ELP2: variants seen among roughly 807,000 people sequenced by gnomAD.
ELP2 encodes the protein elongator acetyltransferase complex subunit 2, also known as elongator complex protein 2.
Under a neutral mutation model 119.2 loss-of-function variants are expected in ELP2, and 90 were observed. The ratio of observed to expected loss-of-function variants is 0.75; its 90% CI spans 0.64 to 0.90. The LOEUF is 0.90. ELP2 is among the 40% of genes least tolerant of loss of function. The pLI is 0.00. For synonymous variants in ELP2, 339 were observed against 331.0 expected (o/e 1.02, Z -0.26); for missense variants, 921 against 967.8 (o/e 0.95, Z 0.64).
chr18:36,172,935 G>A (rs1223583360), intron 21 of ELP2, among the ~76,000 whole-genome samples: 1 of 152,154 alleles, frequency 6.6e-6, no homozygotes, highest in Non-Finnish European at 1.5e-5. Flanking sequence ...CAAGTTCCAA[G>A]TACCTTTCAA....
chr18:36,145,172 A>G, intron 9 of ELP2, 138 bp downstream of exon 9: 1 of 718,070 alleles, frequency 1.4e-6, no homozygotes, highest in Non-Finnish European at 2.5e-6. Context: ...ACAAAGTATA[A>G]TACTGCATTC....
chr18:36,155,580 T>G (rs2090547952), intron 12 of ELP2, among the ~76,000 whole-genome samples: 2 of 152,098 alleles, frequency 1.3e-5, no homozygotes, highest in African/African-American at 4.8e-5. Context: ...TATTTTTTGT[T>G]TTTTGTAGAG....
In ELP2 at chr18:36,142,920, C is replaced by T. The variant is rs754977654; in HGVS notation, c.750C>T (p.Asp250=). The stretch of plus-strand genomic sequence containing the variant: ...CAACATCTTTAGAAACTCAGGATGA[C>T]GATAACATAAGACTGAAAGAAAATA... ...IKSTSLETQD[D]DNIRLKENTF... is the part of the protein sequence containing the mutation. The change falls in exon 8 of 22, where the codon GAC becomes GAT. Residue 250 remains aspartate, a synonymous_variant. Transcript: ENST00000358232. 4.5e-5 allele frequency: 71 copies of T among 1,593,908 alleles called. No homozygotes were observed. The highest frequency in any genetic ancestry group is 1.0e-4 in the Admixed American group (6 of 58,878).
intron 8 of ELP2, among the ~76,000 whole-genome samples, chr18:36,144,617 G>A (rs1293221238): frequency 2.0e-5 from 3 of 152,066 alleles, no homozygotes; most frequent in East Asian, 1.9e-4. Context: ...TAAAGAGGCT[G>A]GCATGACTGT....
Position 36,146,019 on chromosome 18 carries a change from G to T in ELP2, c.964G>T (p.Asp322Tyr). ...TAAAACCATGATTCTCTGGGCTCCA[G>T]ATGAAGAGTCAGGAGTTTGGCTAGA... ...MDKTMILWAP[D>Y]EESGVWLEQV... Residue 322 changes from aspartate to tyrosine, a missense_variant, in exon 10 of 22, where the codon GAT (aspartate) becomes TAT (tyrosine). Coordinates refer to ENST00000358232, the MANE Select transcript of ELP2 (RefSeq NM_018255.4). 1.9e-6 allele frequency: 3 copies of T among 1,614,054 alleles called. No individual in the cohort carries two copies. Among genetic ancestry groups the T allele is most frequent in the Non-Finnish European group, 2.5e-6 (3 of 1,179,928 alleles).
chr18:36,141,265 A>G (rs2144621003), intron 6 of ELP2, 64 bp downstream of exon 6: 1 of 1,294,432 alleles, frequency 7.7e-7, no homozygotes, highest in Non-Finnish European at 1.1e-6. Flanking sequence ...AATACAGACT[A>G]TATCCAGATT....
At position 36,179,381 on chromosome 18, in the gene ELP2, GAGA is replaced by G. The variant is rs1236903133; in HGVS notation, c.*4742_*4744del. 29 of 150,114 alleles carry G rather than the reference GAGA, an allele frequency of 1.9e-4. No individual in the cohort carries two copies. The highest frequency in any genetic ancestry group is 7.1e-4 in the African/African-American group (29 of 40,708). 9.3% of individuals were successfully genotyped at this position (150,114 alleles called of 1,614,324 possible). A position where few individuals can be genotyped will look rare whatever the true frequency, so the allele number is the denominator to read the frequency against. ...CCAGATGTTCCAGAGGCTGAGGCAG[GAGA>G]ACCGCTTGAACCCAGGAGGAGGAGG... On this transcript the variant is annotated 3_prime_UTR_variant, in exon 22 of 22. Coordinates refer to ENST00000358232, the MANE Select transcript of ELP2 (RefSeq NM_018255.4).
rs1187265898 is a variant in ELP2 at position 36,174,748 on chromosome 18, T to C, written c.*107T>C. On this transcript the variant is annotated 3_prime_UTR_variant, in exon 22 of 22. Coordinates refer to ENST00000358232, the MANE Select transcript of ELP2 (RefSeq NM_018255.4). ...GAATTGAGTTTCTGGGTTTTTTTTT[T>C]TTTTGAGATGGAGTCTTGCTTTGTC... 4.2e-6 allele frequency: 5 copies of C among 1,179,986 alleles called. No individual in the cohort carries two copies. The highest frequency in any genetic ancestry group is 6.0e-6 in the Non-Finnish European group (5 of 827,866). The allele number at this position is 1,179,986 out of a possible 1,614,324, so 73.1% of individuals were successfully genotyped here.
intron 6 of ELP2, 28 bp downstream of exon 6, chr18:36,141,229 AATTAT>A: frequency 6.5e-7 from 1 of 1,534,104 alleles, no homozygotes; most frequent in Non-Finnish European, 9.0e-7. Flanking sequence ...AAGAGGCTGG[AATTAT>A]ATTCTGCTTA....
chr18:36,156,646 C>G lies in ELP2; in HGVS notation c.1456C>G (p.Leu486Val). ...AITGQSLNHV[L>V]CNQDSDLPEG... ...TACAGGACAATCACTGAATCATGTG[C>G]TCTGTAATGTGAGTATTTCTCTAAA... Residue 486 changes from leucine to valine, a missense_variant, in exon 13 of 22, where the codon CTC becomes GTC. Leu to Val is a conservative substitution (Grantham distance 32). Coordinates refer to ENST00000358232, the MANE Select transcript of ELP2 (RefSeq NM_018255.4). 6.2e-7 allele frequency: 1 copy of G among 1,613,520 alleles called. No individual in the cohort carries two copies. Among genetic ancestry groups the G allele is most frequent in the Non-Finnish European group, 8.5e-7 (1 of 1,179,528 alleles).
chr18:36,158,732 C>T (rs919595270), intron 13 of ELP2, 103 bp from the exon 14 acceptor site: 2 of 791,054 alleles, frequency 2.5e-6, no homozygotes, highest in East Asian at 2.7e-5. Flanking sequence ...CATTTATGAG[C>T]GTGACTTTTT....
Position 36,159,738 on chromosome 18 carries a change from A to G in ELP2, c.1538A>G (p.Asp513Gly), listed in dbSNP as rs1274615236. ...TTGATGTGTTTCTTCAAACTAGGAG[A>G]TATAGCTTCTCAGCCTTCTGATGAA... ...GLSNKAVFQG[D>G]IASQPSDEEE... Residue 513 changes from aspartate (D) to glycine (G), a missense_variant, in exon 15 of 22, where the codon GAT (aspartate) becomes GGT (glycine). Coordinates refer to ENST00000358232, the MANE Select transcript of ELP2 (RefSeq NM_018255.4). The G allele has an allele frequency of 2.5e-6, 4 of 1,611,422 alleles. No individual in the cohort carries two copies. Among genetic ancestry groups the G allele is most frequent in the Admixed American group, 3.3e-5 (2 of 59,986 alleles).
rs56758248 is a variant in ELP2 at position 36,179,307 on chromosome 18, C to CAAAAAAAAAAA, written c.*4672_*4682dup. On this transcript the variant is annotated 3_prime_UTR_variant, in exon 22 of 22. Coordinates refer to ENST00000358232, the MANE Select transcript of ELP2 (RefSeq NM_018255.4). The stretch of plus-strand genomic sequence containing the variant: ...TGAAACCCCATCTCTACTAAAAATA[C>CAAAAAAAAAAA]AAAAAAAAAAAAAAAATTAGTCGGG... 2 of 108,774 alleles carry CAAAAAAAAAAA rather than the reference C, an allele frequency of 1.8e-5. No individual in the cohort carries two copies. Among genetic ancestry groups the CAAAAAAAAAAA allele is most frequent in the African/African-American group, 7.2e-5 (2 of 27,930 alleles). 6.7% of individuals were successfully genotyped at this position (108,774 alleles called of 1,614,324 possible).
At chr18:36,165,008 T>C in intron 18 of ELP2, 1 of 284,776 alleles carries the variant, frequency 3.5e-6, no homozygotes, top group East Asian at 8.9e-5. Context: ...TAACTTATCC[T>C]AAGCTAGGAT....
chr18:36,142,330 T>G lies in ELP2; in HGVS notation c.638T>G (p.Val213Gly). 1 of 1,613,858 alleles carries G rather than the reference T, an allele frequency of 6.2e-7. No homozygotes were observed. Among genetic ancestry groups the G allele is most frequent in the Middle Eastern group, 1.7e-4 (1 of 6,060 alleles). Residue 213 changes from valine (V) to glycine (G), a missense_variant, in exon 7 of 22, where the codon GTG becomes GGG. Val to Gly is a moderately radical substitution (Grantham distance 109, BLOSUM62 -3). Coordinates refer to ENST00000358232, the MANE Select transcript of ELP2 (RefSeq NM_018255.4). ...GGACATGAGGATTGGATTAGAGGAG[T>G]GGAATGGGCAGCCTTTGGTCAGTAT... ...LCGHEDWIRG[V>G]EWAAFGRDLF...
chr18:36,155,137 C>T (rs542840784), intron 12 of ELP2, 138 bp downstream of exon 12: 17 of 707,924 alleles, frequency 2.4e-5, no homozygotes, highest in Admixed American at 8.7e-5. Context: ...CTCAGCCTCC[C>T]GAGTAGCTGG....
At position 36,146,301 on chromosome 18, in the gene ELP2, T is replaced by A; in HGVS notation, c.1045T>A (p.Phe349Ile). 6.2e-7 allele frequency: 1 copy of A among 1,614,096 alleles called. No individual in the cohort carries two copies. The highest frequency in any genetic ancestry group is 8.5e-7 in the Non-Finnish European group (1 of 1,179,942). The part of the protein sequence containing the change: ...GNTLGFYDCQ[F>I]NEDGSMIIAH... The stretch of plus-strand genomic sequence containing the variant: ...TACTTTGGGATTTTATGATTGCCAG[T>A]TCAATGAAGATGGCTCCATGATCAT... The change falls in exon 11 of 22, where the codon TTC (phenylalanine) becomes ATC (isoleucine). Residue 349 changes from phenylalanine to isoleucine, a missense_variant. Phe to Ile is a conservative substitution (Grantham distance 21, BLOSUM62 0). Transcript: ENST00000358232.
In ELP2 at chr18:36,167,216, CA is replaced by C; in HGVS notation, c.2075del (p.Lys692ArgfsTer32). ...SKYFFTGSRD[K>X]KVVVWGECDS... The stretch of plus-strand genomic sequence containing the variant: ...AGTATTTCTTCACTGGGAGTCGAGA[CA>C]AAAAGGTAATTATTTAAAAATTTAA... On this transcript the variant is annotated frameshift_variant, in exon 19 of 22. Transcript: ENST00000358232. LOFTEE classifies it high-confidence loss of function. The C allele has an allele frequency of 6.3e-7, 1 of 1,583,614 alleles. No homozygotes were observed. The highest frequency in any genetic ancestry group is 8.6e-7 in the Non-Finnish European group (1 of 1,163,260).
At chr18:36,130,126 A>C in intron 1 of ELP2, 55 bp downstream of exon 1, 3 of 1,611,034 alleles carry the variant, frequency 1.9e-6, no homozygotes, top group Non-Finnish European at 2.5e-6. Context: ...GAACCTGTGG[A>C]CGTGCTCCGG....
Sources: allele counts gnomAD v4.1 joint callset (sites outside exome capture counted in the v4.1 genomes callset), GRCh38; gene constraint gnomAD v4.1.1; transcripts MANE v1.5; gene names NCBI Gene and HGNC (gene_info 2026-07-23, HGNC 2026-07-21).